CENPP: variants seen among roughly 807,000 people sequenced by gnomAD.
CENPP encodes the protein centromere protein P.
Under a neutral mutation model 35.6 loss-of-function variants are expected in CENPP, and 24 were observed. The observed-to-expected ratio is 0.67, with a 90% confidence interval of 0.49 to 0.95. CENPP has a LOEUF of 0.95. CENPP is among the 40% of genes least tolerant of loss of function. The pLI, the probability that CENPP is intolerant of heterozygous loss-of-function variation, is 0.00. For missense variants in CENPP, 332 were observed against 345.3 expected (o/e 0.96, Z 0.31); for synonymous variants, 120 against 125.5 (o/e 0.96, Z 0.29).
chr9:92,614,752 T>G lies in CENPP; in HGVS notation c.*1603T>G, dbSNP rs1445915494. On this transcript the variant is annotated 3_prime_UTR_variant, in exon 8 of 8. Transcript: ENST00000375587. Reference sequence around the variant, plus strand: ...ATAAATAAGTCTGTACAACCTAGCATAGAATAAAAAACTGAAACCAAGATT... The same window carrying G: ...ATAAATAAGTCTGTACAACCTAGCAGAGAATAAAAAACTGAAACCAAGATT... 1 of 152,600 alleles carries G rather than the reference T, an allele frequency of 6.6e-6. No individual in the cohort carries two copies. Among genetic ancestry groups the G allele is most frequent in the Non-Finnish European group, 1.5e-5 (1 of 68,038 alleles). 9.5% of individuals were successfully genotyped at this position (152,600 alleles called of 1,614,324 possible).
At chr9:92,518,085 C>G (rs1043856469) in intron 5 of CENPP, among the ~76,000 whole-genome samples, 11 of 152,176 alleles carry the variant, frequency 7.2e-5, no homozygotes, top group African/African-American at 2.7e-4. Flanking sequence ...CACGTAGGCT[C>G]TAAGAGTGAA....
chr9:92,432,695 TA>T (rs1441993867), intron 5 of CENPP, among the ~76,000 whole-genome samples: 1 of 152,342 alleles, frequency 6.6e-6, no homozygotes, highest in East Asian at 1.9e-4. Flanking sequence ...TATACACGAT[TA>T]AAAAATTATT....
intron 5 of CENPP, chr9:92,522,665 G>A: frequency 6.2e-7 from 1 of 1,614,046 alleles, no homozygotes; most frequent in Non-Finnish European, 8.5e-7. Flanking sequence ...TTAACAATAG[G>A]AAGTCTTGCT....
intron 4 of CENPP, among the ~76,000 whole-genome samples, chr9:92,364,937 T>A (rs1162994582): frequency 6.6e-6 from 1 of 152,190 alleles, no homozygotes; most frequent in Non-Finnish European, 1.5e-5. Flanking sequence ...TTGAGTGAAT[T>A]GTCTAACAAA....
At chr9:92,425,234 C>T (rs933605218) in intron 5 of CENPP, among the ~76,000 whole-genome samples, 1 of 152,176 alleles carries the variant, frequency 6.6e-6, no homozygotes, top group Non-Finnish European at 1.5e-5. Context: ...ACTAGAATGA[C>T]TTCTAATATC....
At chr9:92,427,463 A>G (rs1458497829) in intron 5 of CENPP, among the ~76,000 whole-genome samples, 1 of 140,534 alleles carries the variant, frequency 7.1e-6, no homozygotes, top group Non-Finnish European at 1.5e-5. Flanking sequence ...GCAGCTGGCT[A>G]TTAATCTTTA....
intron 5 of CENPP, among the ~76,000 whole-genome samples, chr9:92,425,848 T>G (rs1843951693): frequency 2.0e-5 from 3 of 152,210 alleles, no homozygotes; most frequent in Admixed American, 2.0e-4. Context: ...AAACTCAGGC[T>G]TTCACTAAGG....
chr9:92,514,961 C>T (rs557489958), intron 5 of CENPP: 2 of 1,614,150 alleles, frequency 1.2e-6, no homozygotes, highest in South Asian at 1.1e-5. Context: ...CTGTCCCCCT[C>T]ACTGTAAAGT....
intron 4 of CENPP, among the ~76,000 whole-genome samples, chr9:92,364,207 AT>A (rs1255319606): frequency 1.3e-5 from 2 of 151,072 alleles, no homozygotes; most frequent in Admixed American, 6.6e-5. Context: ...AGAAAAAAAA[AT>A]TTTTTTAGAA....
chr9:92,345,959 TTTAG>T (rs1588046159), intron 4 of CENPP, among the ~76,000 whole-genome samples, 172 bp downstream of exon 4: 1 of 152,238 alleles, frequency 6.6e-6, no homozygotes, highest in African/African-American at 2.4e-5. Context: ...CATTCTTTCA[TTTAG>T]TTTATATTTA....
intron 5 of CENPP, among the ~76,000 whole-genome samples, chr9:92,422,778 CCT>C (rs552795958): frequency 1.3e-5 from 2 of 152,174 alleles, no homozygotes; most frequent in African/African-American, 2.4e-5. Context: ...GATAATTTCC[CCT>C]GTTACAACAA....
chr9:92,536,038 A>G, intron 5 of CENPP: 1 of 504,342 alleles, frequency 2.0e-6, no homozygotes, highest in Non-Finnish European at 3.9e-6. Context: ...GACAGAAGGG[A>G]ATGTTGAAAA....
At chr9:92,361,468 A>G (rs1588059404) in intron 4 of CENPP, among the ~76,000 whole-genome samples, 1 of 136,216 alleles carries the variant, frequency 7.3e-6, no homozygotes, top group East Asian at 2.2e-4. Context: ...ATTTTATTTT[A>G]TTTTATTTTA....
At chr9:92,534,234 G>A (rs575867902) in intron 5 of CENPP, among the ~76,000 whole-genome samples, 5 of 152,250 alleles carry the variant, frequency 3.3e-5, no homozygotes, top group East Asian at 1.9e-4. Context: ...GCATTTATTT[G>A]TCTGTAATAT....
intron 1 of CENPP, among the ~76,000 whole-genome samples, chr9:92,331,358 A>C (rs1025237735): frequency 6.6e-6 from 1 of 151,588 alleles, no homozygotes; most frequent in Non-Finnish European, 1.5e-5. Flanking sequence ...TTTTTTGTAT[A>C]TTTAGTAGAC....
In CENPP at chr9:92,375,855, C is replaced by CT. The variant is rs61124557; in HGVS notation, c.468-3895dup. Among the ~76,000 whole-genome samples, 313 of 122,440 alleles carry CT rather than the reference C, an allele frequency of 2.6e-3. 1 individual carries two copies. Among genetic ancestry groups the CT allele is most frequent in the Non-Finnish European group, 3.6e-3 (195 of 54,430 alleles). The allele number at this position is 122,440 out of a possible 152,430, so 80.3% of individuals were successfully genotyped here. A position where few individuals can be genotyped will look rare whatever the true frequency, so the allele number is the denominator to read the frequency against. Reference sequence around the variant, plus strand: ...CAACAGGAGAAGTTTCTGTTAATTTCTTTTTTTTTTTTTCCTATGACTGGG... The same window carrying CT: ...CAACAGGAGAAGTTTCTGTTAATTTCTTTTTTTTTTTTTTCCTATGACTGGG... On this transcript the variant is annotated intron_variant, in intron 4 of 7. Coordinates refer to ENST00000375587, the MANE Select transcript of CENPP (RefSeq NM_001012267.3).
Position 92,611,360 on chromosome 9 carries a change from G to T in CENPP, c.611G>T (p.Cys204Phe), listed in dbSNP as rs963395606. The T allele has an allele frequency of 6.2e-7, 1 of 1,613,590 alleles. No individual in the cohort carries two copies. The highest frequency in any genetic ancestry group is 1.3e-5 in the African/African-American group (1 of 75,036). The change falls in exon 6 of 8, where the codon TGC becomes TTC. Residue 204 changes from cysteine to phenylalanine, a missense_variant. Coordinates refer to ENST00000375587, the MANE Select transcript of CENPP (RefSeq NM_001012267.3). ...TACCTCTCGGAGGGGCCCTCCTCCT[G>T]CTCCATGGGGATCCGCAGCGCCAGC... ...AVYLSEGPSS[C>F]SMGIRSASRP...
chr9:92,437,883 C>T (rs977827414), intron 5 of CENPP, among the ~76,000 whole-genome samples: 2 of 151,740 alleles, frequency 1.3e-5, no homozygotes, highest in Non-Finnish European at 2.9e-5. Flanking sequence ...CCTCAGCCTC[C>T]AGTGATCCTC....
intron 5 of CENPP, among the ~76,000 whole-genome samples, chr9:92,458,981 G>C (rs17591958): frequency 0.031 from 4,709 of 152,274 alleles, 114 homozygotes; most frequent in South Asian, 0.084. Flanking sequence ...CTTGGAAGAT[G>C]AAAACTTTTG....
Sources: allele counts gnomAD v4.1 joint callset (sites outside exome capture counted in the v4.1 genomes callset), GRCh38; gene constraint gnomAD v4.1.1; transcripts MANE v1.5; gene names NCBI Gene and HGNC (gene_info 2026-07-23, HGNC 2026-07-21).